MOSPD1: variants seen among roughly 807,000 people sequenced by gnomAD.
The protein encoded by MOSPD1 is motile sperm domain containing 1.
MOSPD1 carries 5 observed loss-of-function variants against 16.7 expected under a neutral mutation model. The ratio of observed to expected loss-of-function variants is 0.30; its 90% CI spans 0.16 to 0.63. MOSPD1 has a LOEUF of 0.63. MOSPD1 is among the 30% of genes least tolerant of loss of function. The probability of loss-of-function intolerance (pLI) is 0.82; values close to 1 mark genes in which losing one functional copy is unlikely to be tolerated. For synonymous variants in MOSPD1, 67 were observed against 59.2 expected, an observed-to-expected ratio of 1.13 and a Z score of -0.61; for missense variants, 104 against 153.6, an observed-to-expected ratio of 0.68 and a Z score of 1.71.
At chrX:134,909,905 TA>T (rs55636937) in intron 1 of MOSPD1, among the ~76,000 whole-genome samples, 44,504 of 109,619 alleles carry the variant, frequency 0.41, 7,191 homozygotes, top group African/African-American at 0.57. Context: ...TTAAGATTTT[TA>T]AAAAAAAGAA....
At chrX:134,903,123 C>T (rs184519705) in intron 1 of MOSPD1, among the ~76,000 whole-genome samples, 2 of 108,981 alleles carry the variant, frequency 1.8e-5, no homozygotes, top group Admixed American at 9.9e-5. Flanking sequence ...AAAACTCTGT[C>T]GAGATGAGAA....
At chrX:134,902,315 G>A (rs1215900497) in intron 1 of MOSPD1, among the ~76,000 whole-genome samples, 1 of 109,912 alleles carries the variant, frequency 9.1e-6, no homozygotes, top group African/African-American at 3.3e-5. Flanking sequence ...GCTAAGGCAG[G>A]AGAATTGCTT....
intron 4 of MOSPD1, 177 bp downstream of exon 4, chrX:134,896,640 A>ACCTC: frequency 2.3e-6 from 1 of 437,746 alleles, no homozygotes; most frequent in Non-Finnish European, 4.0e-6. Flanking sequence ...CTCAAAGTCC[A>ACCTC]CCTCCAGGCT....
At position 134,899,448 on chromosome X, in the gene MOSPD1, C is replaced by T; in HGVS notation, c.-15G>A. On this transcript the variant is annotated 5_prime_UTR_variant, in exon 2 of 6. Transcript: ENST00000370783. ...TGTTGATGCATTGGCACTGAATCCC[C>T]CTTGCTGCAGTTTCTGTTTTTACAG... 3 of 1,144,316 alleles carry T rather than the reference C, an allele frequency of 2.6e-6. No homozygotes were observed. Among genetic ancestry groups the T allele is most frequent in the East Asian group, 3.1e-5 (1 of 32,250 alleles). 94.3% of individuals were successfully genotyped at this position (1,144,316 alleles called of 1,213,427 possible).
chrX:134,906,274 G>A (rs1167944848), intron 1 of MOSPD1, among the ~76,000 whole-genome samples: 3 of 98,738 alleles, frequency 3.0e-5, no homozygotes, highest in African/African-American at 7.9e-5. Flanking sequence ...TGCCTCCCGG[G>A]TTCAAGCGAT....
chrX:134,905,155 C>T lies in MOSPD1; in HGVS notation c.-101-5621G>A, dbSNP rs751932870. ...CGGGCAGATCATGAGGGCAGAAGATCGAGACCATCCTGGCTAACACAGTGA... is the reference window on the plus strand; with the variant it reads ...CGGGCAGATCATGAGGGCAGAAGATTGAGACCATCCTGGCTAACACAGTGA... On this transcript the variant is annotated intron_variant, in intron 1 of 5. Transcript: ENST00000370783. Among the ~76,000 whole-genome samples the T allele has an allele frequency of 1.6e-4, 18 of 109,214 alleles. No homozygotes were observed. In the South Asian group the frequency reaches 5.9e-3, roughly 36 times the overall value. The allele number at this position is 109,214 out of a possible 115,157, so 94.8% of individuals were successfully genotyped here.
chrX:134,908,715 CAA>C (rs781530683), intron 1 of MOSPD1, among the ~76,000 whole-genome samples: 3 of 112,026 alleles, frequency 2.7e-5, no homozygotes, highest in Non-Finnish European at 3.8e-5. Flanking sequence ...TACTCTGACA[CAA>C]AAAGACGCAT....
At chrX:134,910,635 G>C (rs1340588740) in intron 1 of MOSPD1, among the ~76,000 whole-genome samples, 1 of 112,100 alleles carries the variant, frequency 8.9e-6, no homozygotes, top group Non-Finnish European at 1.9e-5. Context: ...GTGATCATCT[G>C]CCTTAAGGCT....
At chrX:134,902,841 G>T (rs2082918897) in intron 1 of MOSPD1, among the ~76,000 whole-genome samples, 1 of 90,234 alleles carries the variant, frequency 1.1e-5, no homozygotes. Context: ...CAAGTTCCTG[G>T]GTTTATACAA....
chrX:134,897,017 T>C lies in MOSPD1; in HGVS notation c.248A>G (p.Asp83Gly), dbSNP rs773847886. ...CCVDIVIRHR[D>G]VRSCHYGVID... ...TACACCATAGTGACAGGATCGAACA[T>C]CTCGATGACGAATCACACTGAAAAC... The change falls in exon 4 of 6, where the codon GAT becomes GGT. Residue 83 changes from aspartate to glycine, a missense_variant. Transcript: ENST00000370783. The C allele has an allele frequency of 2.5e-6, 3 of 1,199,308 alleles. No homozygotes were observed. In the South Asian group the frequency reaches 5.4e-5, roughly 22 times the overall value.
At chrX:134,898,159 G>T (rs192638201) in intron 3 of MOSPD1, among the ~76,000 whole-genome samples, 1 of 111,644 alleles carries the variant, frequency 9.0e-6, no homozygotes, top group Admixed American at 9.6e-5. Context: ...GATTACAGGC[G>T]TGAGCCACTG....
rs540623189 is a variant in MOSPD1 at position 134,891,686 on chromosome X, G to T, written c.449-46C>A. 2.4e-4 allele frequency: 283 copies of T among 1,155,445 alleles called. 2 individuals carry two copies. The South Asian group carries it at 5.0e-3, about 20-fold the overall frequency. ...CTAAGCTTCCTTCTAAAAACTTTAA[G>T]ACAAAAGTTCCTTCACAAACACTGG... On this transcript the variant is annotated intron_variant, in intron 4 of 5. Coordinates refer to ENST00000370783, the MANE Select transcript of MOSPD1 (RefSeq NM_019556.3).
intron 1 of MOSPD1, among the ~76,000 whole-genome samples, chrX:134,904,613 G>A (rs889725633): frequency 2.7e-5 from 3 of 111,382 alleles, no homozygotes; most frequent in Non-Finnish European, 3.8e-5. Flanking sequence ...TGTAATCTTA[G>A]CGCTTTGGGA....
chrX:134,898,200 T>C (rs959611721), intron 3 of MOSPD1, among the ~76,000 whole-genome samples: 10 of 111,617 alleles, frequency 9.0e-5, no homozygotes, highest in African/African-American at 3.3e-4. Flanking sequence ...TTCTTATGGG[T>C]TTTCTGCAAT....
chrX:134,902,526 C>T (rs1486472108), intron 1 of MOSPD1, among the ~76,000 whole-genome samples: 1 of 111,278 alleles, frequency 9.0e-6, no homozygotes, highest in Non-Finnish European at 1.9e-5. Flanking sequence ...GATGCGGTGG[C>T]TCATGCCTGT....
At chrX:134,898,627 G>C (rs2148394328) in intron 3 of MOSPD1, among the ~76,000 whole-genome samples, 1 of 112,112 alleles carries the variant, frequency 8.9e-6, no homozygotes, top group East Asian at 2.8e-4. Context: ...TTGCACAACT[G>C]CTTCCTGTTT....
chrX:134,895,487 T>G (rs2082881346), intron 4 of MOSPD1, among the ~76,000 whole-genome samples: 1 of 111,846 alleles, frequency 8.9e-6, no homozygotes, highest in South Asian at 3.7e-4. Flanking sequence ...TTATTATTCT[T>G]GGTTATTAAA....
chrX:134,891,460 G>T lies in MOSPD1; in HGVS notation c.610+19C>A. The T allele has an allele frequency of 5.0e-6, 6 of 1,202,894 alleles. No individual in the cohort carries two copies. The highest frequency in any genetic ancestry group is 1.8e-5 in the South Asian group (1 of 56,454). Reference sequence around the variant, plus strand: ...AAAGCCCTACACATATGTCCCAAATGCATCTTTAAAACCCTTACCTAAGAT... The same window carrying T: ...AAAGCCCTACACATATGTCCCAAATTCATCTTTAAAACCCTTACCTAAGAT... On this transcript the variant is annotated intron_variant, in intron 5 of 5. Coordinates refer to ENST00000370783, the MANE Select transcript of MOSPD1 (RefSeq NM_019556.3).
chrX:134,890,630 G>T (rs1483608962), intron 5 of MOSPD1, among the ~76,000 whole-genome samples: 7 of 110,444 alleles, frequency 6.3e-5, no homozygotes, highest in Non-Finnish European at 1.1e-4. Context: ...CCAACATGGA[G>T]AAACCCCATC....
Sources: allele counts gnomAD v4.1 joint callset (sites outside exome capture counted in the v4.1 genomes callset), GRCh38; gene constraint gnomAD v4.1.1; transcripts MANE v1.5; gene names NCBI Gene and HGNC (gene_info 2026-07-23, HGNC 2026-07-21).